ARFGEF1: variants seen among roughly 807,000 people sequenced by gnomAD.
ARFGEF1 encodes the protein brefeldin A-inhibited guanine nucleotide-exchange protein 1.
In ARFGEF1, 42 loss-of-function variants were observed where a neutral mutation model predicts 231.0. That is an observed-to-expected ratio of 0.18 (90% CI 0.14 to 0.24). The LOEUF (loss-of-function observed/expected upper bound fraction) is 0.24, where lower values mean the gene tolerates loss of function less well. ARFGEF1 is among the 10% of genes least tolerant of loss of function. The pLI, the probability that ARFGEF1 is intolerant of heterozygous loss-of-function variation, is 1.00. For missense variants in ARFGEF1, 1,345 were observed against 2,192.0 expected (o/e 0.61, Z 7.72); for synonymous variants, 710 against 732.3 (o/e 0.97, Z 0.49).
rs575663349 is a variant in ARFGEF1, at chr8:67,324,001, C to T, written c.124+19163G>A. 2.0e-5 allele frequency among the ~76,000 whole-genome samples: 3 copies of T among 152,236 alleles called. No individual in the cohort carries two copies. In the South Asian group the frequency reaches 6.2e-4, roughly 32 times the overall value. On this transcript the variant is annotated intron_variant, in intron 1 of 38. Transcript: ENST00000262215. The stretch of plus-strand genomic sequence containing the variant: ...TATTTTTACTAGAGACGGGGTTTCA[C>T]CATGTTAGCCAGGATGGTCTCAATC...
At chr8:67,180,542 GAAATA>G (rs938871078) in intron 5 of ARFGEF1, among the ~76,000 whole-genome samples, 18 of 152,168 alleles carry the variant, frequency 1.2e-4, no homozygotes, top group African/African-American at 3.1e-4. Context: ...ATGTAAATGG[GAAATA>G]AAATAATAAT....
chr8:67,246,799 C>T lies in ARFGEF1; in HGVS notation c.2850+4500G>A, dbSNP rs189691887. Reference sequence around the variant, plus strand: ...AAATTTTAAAAATACAAAACATCAACAAAACAAAAAGTTGGTTTTCTGAAA... The same window carrying T: ...AAATTTTAAAAATACAAAACATCAATAAAACAAAAAGTTGGTTTTCTGAAA... On this transcript the variant is annotated intron_variant, in intron 19 of 38. Coordinates refer to ENST00000262215, the MANE Select transcript of ARFGEF1 (RefSeq NM_006421.5). Among the ~76,000 whole-genome samples, 240 of 149,870 alleles carry T rather than the reference C, an allele frequency of 1.6e-3. 20 individuals carry two copies. The highest frequency in any genetic ancestry group is 5.7e-3 in the African/African-American group (230 of 40,220).
chr8:67,314,379 G>A (rs1374983326), intron 1 of ARFGEF1, among the ~76,000 whole-genome samples: 1 of 152,168 alleles, frequency 6.6e-6, no homozygotes, highest in Non-Finnish European at 1.5e-5. Context: ...CCAACCTCCT[G>A]ATGGATCCCT....
At chr8:67,193,546 G>C, downstream of ARFGEF1, 1 of 1,613,744 alleles carries the variant, frequency 6.2e-7, no homozygotes, top group South Asian at 1.1e-5. Context: ...CTTAGAGTGA[G>C]AAATGAGGAA....
chr8:67,343,265 T>C lies in ARFGEF1; in HGVS notation c.23A>G (p.Lys8Arg), dbSNP rs1563926936. The C allele has an allele frequency of 6.2e-7, 1 of 1,613,760 alleles. No individual in the cohort carries two copies. Among genetic ancestry groups the C allele is most frequent in the Non-Finnish European group, 8.5e-7 (1 of 1,179,750 alleles). The change falls in exon 1 of 39, where the codon AAG (lysine) becomes AGG (arginine). Residue 8 changes from lysine (K) to arginine (R), a missense_variant. By Grantham distance (26) the Lys-to-Arg change is conservative. Around this residue, in one of 14 missense-constraint regions of ARFGEF1, gnomAD observed 398 missense variants for 463.2 expected, o/e 0.86. Transcript: ENST00000262215. MYEGKKT[K>R]NMFLTRALEK... is the part of the protein sequence containing the mutation. ...CAGAGCCCGGGTCAGGAACATGTTC[T>C]TCGTCTTCTTCCCCTCATACATGGA...
intron 19 of ARFGEF1, among the ~76,000 whole-genome samples, chr8:67,242,519 A>C (rs906949788): frequency 6.6e-5 from 10 of 152,294 alleles, no homozygotes; most frequent in African/African-American, 1.7e-4. Context: ...TTGCTGACTA[A>C]AGAGCCCCTG....
chr8:67,196,679 G>A (rs138336020), downstream of ARFGEF1, among the ~76,000 whole-genome samples: 6 of 152,116 alleles, frequency 3.9e-5, no homozygotes, highest in East Asian at 3.9e-4. Context: ...TGCTTTACTC[G>A]TAAAAATTTG....
intron 1 of ARFGEF1, among the ~76,000 whole-genome samples, chr8:67,302,824 T>C (rs545815085): frequency 2.3e-4 from 34 of 148,712 alleles, no homozygotes; most frequent in African/African-American, 8.5e-4. Context: ...CCTGTAATCC[T>C]AGTGCTTTGG....
rs181430720 is a variant in ARFGEF1, at chr8:67,287,530, T to G, written c.1027+425A>C. On this transcript the variant is annotated intron_variant, in intron 7 of 38. Coordinates refer to ENST00000262215, the MANE Select transcript of ARFGEF1 (RefSeq NM_006421.5). ...CGGCTTCCAGTGAAATCACCAAACC[T>G]TGGGGTAATCTTGAAGGCCTCCGAC... Among the ~76,000 whole-genome samples, 26 of 152,318 alleles carry G rather than the reference T, an allele frequency of 1.7e-4. No homozygotes were observed. In the East Asian group the frequency reaches 3.9e-3, roughly 23 times the overall value.
intron 32 of ARFGEF1, 118 bp downstream of exon 32, chr8:67,217,664 C>A (rs113694780): frequency 9.0e-7 from 1 of 1,116,476 alleles, no homozygotes; most frequent in South Asian, 1.6e-5. Context: ...GTAAGACAAG[C>A]TTAAAAGGAT....
At chr8:67,279,851 C>T (rs1433535147) in intron 7 of ARFGEF1, among the ~76,000 whole-genome samples, 2 of 152,122 alleles carry the variant, frequency 1.3e-5, no homozygotes, top group African/African-American at 4.8e-5. Context: ...ACAGGAAGCA[C>T]TTAATACAGT....
At chr8:67,225,448 G>A (rs896652260) in intron 28 of ARFGEF1, among the ~76,000 whole-genome samples, 3 of 152,132 alleles carry the variant, frequency 2.0e-5, no homozygotes, top group East Asian at 1.9e-4. Flanking sequence ...ATGGTAGTAC[G>A]GAATAAAATC....
At chr8:67,256,195 G>A (rs760841045) in intron 17 of ARFGEF1, among the ~76,000 whole-genome samples, 2 of 152,120 alleles carry the variant, frequency 1.3e-5, no homozygotes. Context: ...TAGAATAGAA[G>A]TCATCATGCT....
At chr8:67,309,864 T>TA (rs1197500701) in intron 1 of ARFGEF1, among the ~76,000 whole-genome samples, 1 of 152,136 alleles carries the variant, frequency 6.6e-6, no homozygotes, top group Non-Finnish European at 1.5e-5. Flanking sequence ...GTTATGAAAA[T>TA]AAAAAATTAA....
At chr8:67,343,018 G>C (rs1032970411) in intron 1 of ARFGEF1, 146 bp downstream of exon 1, 4 of 949,252 alleles carry the variant, frequency 4.2e-6, no homozygotes, top group African/African-American at 1.7e-5. Context: ...GTCAACTCCA[G>C]ACAGGGAACA....
intron 1 of ARFGEF1, among the ~76,000 whole-genome samples, chr8:67,317,824 G>C (rs1257223760): frequency 6.6e-6 from 1 of 150,630 alleles, no homozygotes; most frequent in South Asian, 2.1e-4. Flanking sequence ...GCTTGAACCA[G>C]GGAAACAGAG....
chr8:67,195,252 CAGT>C (rs566809991), downstream of ARFGEF1: 2,033 of 725,386 alleles, frequency 2.8e-3, 8 homozygotes, highest in Middle Eastern at 8.8e-3. Flanking sequence ...AACAAACAAA[CAGT>C]AGAGTTCAGG....
chr8:67,300,413 C>A (rs1209798843), intron 3 of ARFGEF1, among the ~76,000 whole-genome samples: 1 of 152,138 alleles, frequency 6.6e-6, no homozygotes, highest in Admixed American at 6.5e-5. Flanking sequence ...ATGTGTCAAA[C>A]AGGGTAACAG....
At chr8:67,224,204 G>T (rs573666637) in intron 29 of ARFGEF1, among the ~76,000 whole-genome samples, 14 of 152,090 alleles carry the variant, frequency 9.2e-5, no homozygotes, top group African/African-American at 3.1e-4. Flanking sequence ...AAAAGATTTT[G>T]TTTACCATAA....
Sources: gnomAD v4.1 joint callset for allele counts (sites outside exome capture counted in the v4.1 genomes callset) on GRCh38, gnomAD v4.1.1 for gene constraint, gnomAD v4.1.1 regional missense constraint, MANE v1.5 for transcripts, NCBI Gene and HGNC (gene_info 2026-07-23, HGNC 2026-07-21) for gene names.